Variants in PGCKA1 observed in about 807,000 individuals in gnomAD.
PGCKA1 encodes PDCD10 and GCKIII kinases-associated protein 1.
At chr4:37,494,285 T>C in the PGCKA1 span, among the ~76,000 whole-genome samples, 61 of 152,270 alleles carry the variant, frequency 4.0e-4, no homozygotes, top group African/African-American at 1.4e-3. Context: ...CCTTCTACCC[T>C]GCACCCTCCA....
the PGCKA1 span, among the ~76,000 whole-genome samples, chr4:37,593,223 G>C: frequency 1.3e-5 from 2 of 152,160 alleles, no homozygotes; most frequent in Non-Finnish European, 2.9e-5. Flanking sequence ...ATTATGTTCA[G>C]TTGTATGGGA....
chr4:37,529,942 T>C, the PGCKA1 span, among the ~76,000 whole-genome samples: 2 of 152,196 alleles, frequency 1.3e-5, no homozygotes, highest in Non-Finnish European at 2.9e-5. Context: ...TAAAAAATAA[T>C]GTAAGCCTTT....
At chr4:37,519,280 ATTT>A in the PGCKA1 span, among the ~76,000 whole-genome samples, 3 of 147,802 alleles carry the variant, frequency 2.0e-5, no homozygotes, top group Non-Finnish European at 3.0e-5. Context: ...AATTTTTAGG[ATTT>A]TTTTTTTTCT....
the PGCKA1 span, among the ~76,000 whole-genome samples, chr4:37,553,506 C>T: frequency 4.6e-5 from 7 of 152,164 alleles, no homozygotes; most frequent in Admixed American, 3.9e-4. Flanking sequence ...CTGAAATAAA[C>T]TATAATATGG....
At chr4:37,549,914 C>T in the PGCKA1 span, among the ~76,000 whole-genome samples, 23 of 152,112 alleles carry the variant, frequency 1.5e-4, no homozygotes, top group Admixed American at 1.4e-3. Context: ...GGAAACTCAT[C>T]GTGGGACTTA....
At chr4:37,468,431 C>A in the PGCKA1 span, among the ~76,000 whole-genome samples, 1 of 152,148 alleles carries the variant, frequency 6.6e-6, no homozygotes, top group African/African-American at 2.4e-5. Flanking sequence ...TCCCCAGGGG[C>A]AATTAGGGAG....
the PGCKA1 span, among the ~76,000 whole-genome samples, chr4:37,482,350 G>A: frequency 6.6e-6 from 1 of 152,196 alleles, no homozygotes; most frequent in African/African-American, 2.4e-5. Context: ...CCAGGCCGAG[G>A]TGGTTTCCAA....
chr4:37,558,161 C>A, the PGCKA1 span: 1 of 152,204 alleles, frequency 6.6e-6, no homozygotes, highest in Admixed American at 6.5e-5. Context: ...TGGTCTTCTG[C>A]TACAGTTTTT....
chr4:37,536,372 C>T, the PGCKA1 span, among the ~76,000 whole-genome samples: 2,458 of 108,902 alleles, frequency 0.023, 27 homozygotes, highest in Middle Eastern at 0.065. Flanking sequence ...CTTAAAACAA[C>T]AAACTTTTTT....
the PGCKA1 span, among the ~76,000 whole-genome samples, chr4:37,458,912 G>A: frequency 7.9e-5 from 12 of 152,084 alleles, no homozygotes; most frequent in Admixed American, 7.9e-4. Flanking sequence ...TCTCACAATA[G>A]CACTGAAGGT....
At chr4:37,469,042 C>G in the PGCKA1 span, among the ~76,000 whole-genome samples, 1 of 152,096 alleles carries the variant, frequency 6.6e-6, no homozygotes, top group South Asian at 2.1e-4. Flanking sequence ...CGTATTTTTA[C>G]TGTACATTTA....
the PGCKA1 span, among the ~76,000 whole-genome samples, chr4:37,551,960 A>C: frequency 2.6e-4 from 39 of 152,224 alleles, no homozygotes; most frequent in Admixed American, 2.4e-3. Flanking sequence ...CCACTAATAA[A>C]AAGTGAGAGT....
the PGCKA1 span, among the ~76,000 whole-genome samples, chr4:37,501,525 T>C: frequency 0.12 from 18,299 of 152,110 alleles, 1,254 homozygotes; most frequent in East Asian, 0.33. Flanking sequence ...CAGTCCTTTG[T>C]GCCAAAAAGG....
the PGCKA1 span, among the ~76,000 whole-genome samples, chr4:37,471,749 A>G: frequency 1.3e-5 from 2 of 152,188 alleles, no homozygotes; most frequent in East Asian, 1.9e-4. Flanking sequence ...CTTTTCAGAG[A>G]AAGTGAAGTG....
the PGCKA1 span, among the ~76,000 whole-genome samples, chr4:37,558,506 G>A: frequency 0.44 from 66,566 of 151,506 alleles, 14,934 homozygotes; most frequent in African/African-American, 0.52. Flanking sequence ...AGAAAACCTA[G>A]GCATTACCAT....
chr4:37,500,634 C>G, the PGCKA1 span, among the ~76,000 whole-genome samples: 2 of 152,098 alleles, frequency 1.3e-5, no homozygotes, highest in Non-Finnish European at 2.9e-5. Context: ...TTTATCAGGC[C>G]CATTTGATCC....
the PGCKA1 span, among the ~76,000 whole-genome samples, chr4:37,483,246 G>A: frequency 6.6e-6 from 1 of 152,112 alleles, no homozygotes; most frequent in Non-Finnish European, 1.5e-5. Context: ...GTTTCCCAAG[G>A]CCTTCCCAGA....
At chr4:37,534,432 G>A in the PGCKA1 span, among the ~76,000 whole-genome samples, 4 of 152,142 alleles carry the variant, frequency 2.6e-5, no homozygotes, top group Non-Finnish European at 4.4e-5. Flanking sequence ...AATAGTATGA[G>A]GCCATGTATT....
chr4:37,563,445 A>C, the PGCKA1 span, among the ~76,000 whole-genome samples: 35 of 134,070 alleles, frequency 2.6e-4, no homozygotes, highest in Non-Finnish European at 4.4e-4. Context: ...AATCTTCCCG[A>C]GGTTGCTCAG....
Sources: allele counts gnomAD v4.1 joint callset (sites outside exome capture counted in the v4.1 genomes callset), GRCh38; gene constraint gnomAD v4.1.1; transcripts MANE v1.5; gene names NCBI Gene and HGNC (gene_info 2026-07-23, HGNC 2026-07-21).